CACNB4: variants seen among roughly 807,000 people sequenced by gnomAD.
CACNB4 encodes the protein voltage-dependent L-type calcium channel subunit beta-4.
In CACNB4, 32 loss-of-function variants were observed where a neutral mutation model predicts 71.2. The observed-to-expected ratio is 0.45, with a 90% confidence interval of 0.34 to 0.60. CACNB4 has a LOEUF of 0.60. Ranked by LOEUF, CACNB4 falls within the 20% of genes least tolerant of loss-of-function variation. CACNB4 has a pLI of 0.01. For missense variants in CACNB4, 464 were observed against 647.9 expected, an observed-to-expected ratio of 0.72 and a Z score of 3.08; for synonymous variants, 231 against 236.9, an observed-to-expected ratio of 0.97 and a Z score of 0.23.
At chr2:151,985,009 A>G (rs200925759) in intron 2 of CACNB4, among the ~76,000 whole-genome samples, 1 of 152,168 alleles carries the variant, frequency 6.6e-6, no homozygotes, top group African/African-American at 2.4e-5. Flanking sequence ...GAGATCTTCC[A>G]CAGCCAATTC....
At chr2:152,025,045 G>A (rs947001087) in intron 2 of CACNB4, among the ~76,000 whole-genome samples, 2 of 152,182 alleles carry the variant, frequency 1.3e-5, no homozygotes, top group Non-Finnish European at 2.9e-5. Context: ...AACAGAGTGA[G>A]ACTCTGTCTC....
intron 2 of CACNB4, among the ~76,000 whole-genome samples, chr2:152,033,014 TC>T (rs1260371612): frequency 6.6e-6 from 1 of 152,114 alleles, no homozygotes; most frequent in Non-Finnish European, 1.5e-5. Context: ...GTAGACAGGT[TC>T]CCCTGCAGAG....
At chr2:151,988,693 T>A (rs1363685819) in intron 2 of CACNB4, among the ~76,000 whole-genome samples, 2 of 152,076 alleles carry the variant, frequency 1.3e-5, no homozygotes. Context: ...TATCCTTGAG[T>A]GGTAGAGAGA....
chr2:151,869,903 T>G (rs1578545612), intron 8 of CACNB4: 2 of 349,296 alleles, frequency 5.7e-6, no homozygotes, highest in Non-Finnish European at 1.0e-5. Context: ...ACCTTCAGAG[T>G]TTAATGTCAC....
intron 2 of CACNB4, chr2:151,970,800 T>G (rs995159240): frequency 1.3e-5 from 2 of 152,278 alleles, no homozygotes; most frequent in African/African-American, 4.8e-5. Context: ...TGACGTTCTG[T>G]GTGAAATCTC....
At chr2:152,008,659 T>C (rs1229193073) in intron 2 of CACNB4, among the ~76,000 whole-genome samples, 1 of 152,160 alleles carries the variant, frequency 6.6e-6, no homozygotes, top group Non-Finnish European at 1.5e-5. Flanking sequence ...CTGTGATATA[T>C]AATTTATCTA....
intron 2 of CACNB4, among the ~76,000 whole-genome samples, chr2:151,893,542 T>G (rs890858420): frequency 6.6e-6 from 1 of 152,150 alleles, no homozygotes; most frequent in African/African-American, 2.4e-5. Context: ...GCACTCAGTC[T>G]TATAGCTTAT....
At chr2:152,007,834 C>A (rs1231336341) in intron 2 of CACNB4, among the ~76,000 whole-genome samples, 1 of 151,648 alleles carries the variant, frequency 6.6e-6, no homozygotes, top group East Asian at 1.9e-4. Context: ...TGCAGTGGCA[C>A]CATCTTGGCT....
rs1040023987 is a variant in CACNB4, at chr2:151,838,078, T to A, written c.*1041A>T. 6.6e-6 allele frequency: 1 copy of A among 152,158 alleles called. No individual in the cohort carries two copies. Among genetic ancestry groups the A allele is most frequent in the Non-Finnish European group, 1.5e-5 (1 of 68,006 alleles). The allele number at this position is 152,158 out of a possible 1,614,324, so 9.4% of individuals were successfully genotyped here. A position where few individuals can be genotyped will look rare whatever the true frequency, so the allele number is the denominator to read the frequency against. ...ACTGAGAGAAGCAATGGAAAGATAC[T>A]CAATCTTGTTGGCAGGAAATACAGA... On this transcript the variant is annotated 3_prime_UTR_variant, in exon 14 of 14. Coordinates refer to ENST00000539935, the MANE Select transcript of CACNB4 (RefSeq NM_000726.5).
At chr2:151,994,014 A>C (rs1681887166) in intron 2 of CACNB4, among the ~76,000 whole-genome samples, 1 of 151,630 alleles carries the variant, frequency 6.6e-6, no homozygotes, top group Non-Finnish European at 1.5e-5. Context: ...TCTACAAAAA[A>C]TTTAAAAATT....
chr2:151,870,133 G>A (rs925121752), intron 8 of CACNB4: 1 of 620,172 alleles, frequency 1.6e-6, no homozygotes, highest in African/African-American at 1.8e-5. Context: ...AACTCTGTTT[G>A]GGCTTTAAAG....
intron 2 of CACNB4, among the ~76,000 whole-genome samples, chr2:152,025,329 G>C (rs1163032767): frequency 1.3e-5 from 2 of 152,158 alleles, no homozygotes; most frequent in Non-Finnish European, 2.9e-5. Flanking sequence ...AATAGCTCAA[G>C]CTTCAGAGGC....
intron 2 of CACNB4, among the ~76,000 whole-genome samples, chr2:151,951,689 T>G (rs967397588): frequency 3.9e-5 from 6 of 152,210 alleles, no homozygotes; most frequent in African/African-American, 1.4e-4. Context: ...GAAAGGCATC[T>G]TGAAAGATGC....
chr2:151,917,739 G>A lies in CACNB4; in HGVS notation c.148-34369C>T, dbSNP rs188800805. 2.1e-3 allele frequency among the ~76,000 whole-genome samples: 325 copies of A among 151,214 alleles called. 3 individuals carry two copies. Among genetic ancestry groups the A allele is most frequent in the Admixed American group, 5.0e-3 (76 of 15,080 alleles). On this transcript the variant is annotated intron_variant, in intron 2 of 13. Coordinates refer to ENST00000539935, the MANE Select transcript of CACNB4 (RefSeq NM_000726.5). ...TAATCCCAACTACTTGGGAGGCTGA[G>A]GCAGGAGAATTGCTTGAACCCAGGA...
chr2:151,916,362 A>G (rs2099857530), intron 2 of CACNB4, among the ~76,000 whole-genome samples: 1 of 152,166 alleles, frequency 6.6e-6, no homozygotes, highest in Non-Finnish European at 1.5e-5. Flanking sequence ...AAATAAATAC[A>G]TGAGATATCA....
At chr2:152,036,175 T>A (rs900125048) in intron 2 of CACNB4, among the ~76,000 whole-genome samples, 2 of 152,206 alleles carry the variant, frequency 1.3e-5, no homozygotes, top group Non-Finnish European at 2.9e-5. Flanking sequence ...TAACAGGTAG[T>A]TGTTGTTCAA....
intron 2 of CACNB4, among the ~76,000 whole-genome samples, chr2:151,921,010 G>A (rs2099858856): frequency 6.6e-6 from 1 of 151,944 alleles, no homozygotes; most frequent in African/African-American, 2.4e-5. Context: ...GCATGGTGGT[G>A]GGCACCTGTA....
intron 2 of CACNB4, among the ~76,000 whole-genome samples, chr2:152,033,965 C>T (rs1684423233): frequency 6.6e-6 from 1 of 152,130 alleles, no homozygotes; most frequent in African/African-American, 2.4e-5. Flanking sequence ...CTTTGTATTG[C>T]TTGGTGTGTC....
intron 2 of CACNB4, among the ~76,000 whole-genome samples, chr2:151,995,828 A>G (rs1412524831): frequency 1.3e-5 from 2 of 152,232 alleles, no homozygotes; most frequent in African/African-American, 4.8e-5. Context: ...AAAGCTATCA[A>G]CTTCTCCTGA....
Sources: allele counts gnomAD v4.1 joint callset (sites outside exome capture counted in the v4.1 genomes callset), GRCh38; gene constraint gnomAD v4.1.1; transcripts MANE v1.5; gene names NCBI Gene and HGNC (gene_info 2026-07-23, HGNC 2026-07-21).